Variants in SLC45A4 observed in about 807,000 individuals in gnomAD.
SLC45A4 encodes the protein polyamine-transporter SLC45A4.
SLC45A4 carries 32 observed loss-of-function variants against 63.7 expected under a neutral mutation model. The ratio of observed to expected loss-of-function variants is 0.50; its 90% confidence interval spans 0.38 to 0.67. SLC45A4 has a LOEUF of 0.67. SLC45A4 is among the 30% of genes least tolerant of loss of function. The pLI, the probability that SLC45A4 is intolerant of heterozygous loss-of-function variation, is 0.00. For missense variants in SLC45A4, 1,027 were observed against 1,157.7 expected (o/e 0.89, Z 1.64); for synonymous variants, 535 against 510.0 (o/e 1.05, Z -0.66).
intron 1 of SLC45A4, among the ~76,000 whole-genome samples, chr8:141,290,216 T>G (rs7827290): frequency 0.27 from 41,727 of 151,920 alleles, 6,143 homozygotes; most frequent in South Asian, 0.33. Flanking sequence ...TTTTTTTAAG[T>G]GCGTGGTGCA....
At chr8:141,216,935 G>A (rs929044133) in intron 6 of SLC45A4, among the ~76,000 whole-genome samples, 155 bp downstream of exon 6, 16 of 152,222 alleles carry the variant, frequency 1.1e-4, no homozygotes, top group African/African-American at 3.9e-4. Flanking sequence ...TGGGAATTTC[G>A]ATGCTTCTCC....
intron 2 of SLC45A4, among the ~76,000 whole-genome samples, chr8:141,251,816 G>A (rs1235281148): frequency 6.6e-6 from 1 of 151,468 alleles, no homozygotes; most frequent in Non-Finnish European, 1.5e-5. Context: ...CAAGATCGAG[G>A]GATGGACACA....
At chr8:141,231,922 T>C (rs57487227) in intron 2 of SLC45A4, among the ~76,000 whole-genome samples, 1,981 of 152,296 alleles carry the variant, frequency 0.013, 36 homozygotes, top group African/African-American at 0.043. Flanking sequence ...TTACCAAGGT[T>C]CTCCTCCCTC....
At chr8:141,304,577 G>A (rs1830844335) in intron 1 of SLC45A4, among the ~76,000 whole-genome samples, 1 of 151,102 alleles carries the variant, frequency 6.6e-6, no homozygotes, top group South Asian at 2.1e-4. Flanking sequence ...AAAAAAAGGG[G>A]GGGAGAGAGA....
intron 1 of SLC45A4, among the ~76,000 whole-genome samples, chr8:141,286,239 C>A (rs1830140419): frequency 6.6e-6 from 1 of 152,186 alleles, no homozygotes; most frequent in Non-Finnish European, 1.5e-5. Flanking sequence ...GGGCTTGTGA[C>A]ACCCCTTCCT....
At chr8:141,286,767 A>G (rs1158177220) in intron 1 of SLC45A4, among the ~76,000 whole-genome samples, 2 of 83,044 alleles carry the variant, frequency 2.4e-5, no homozygotes, top group Admixed American at 2.7e-4. Flanking sequence ...CCGACCCCAT[A>G]CCACGGCCTC....
intron 2 of SLC45A4, among the ~76,000 whole-genome samples, chr8:141,240,460 C>A (rs952825161): frequency 6.6e-6 from 1 of 152,208 alleles, no homozygotes; most frequent in Non-Finnish European, 1.5e-5. Context: ...CACATCCCAG[C>A]GGGAAGGGGT....
At chr8:141,305,672 A>T (rs1830874414) in intron 1 of SLC45A4, among the ~76,000 whole-genome samples, 1 of 152,188 alleles carries the variant, frequency 6.6e-6, no homozygotes, top group African/African-American at 2.4e-5. Flanking sequence ...TGTTGGTCAC[A>T]AACCACCCCA....
intron 1 of SLC45A4, among the ~76,000 whole-genome samples, chr8:141,281,537 C>T (rs558149181): frequency 4.6e-5 from 7 of 152,328 alleles, no homozygotes; most frequent in South Asian, 2.1e-4. Flanking sequence ...CGCGGCAGCA[C>T]GTGGCCCCTC....
intron 2 of SLC45A4, chr8:141,228,151 C>T (rs2154614230): frequency 1.2e-6 from 2 of 1,613,734 alleles, no homozygotes; most frequent in South Asian, 2.2e-5. Flanking sequence ...TGGGTGGAGG[C>T]AGCAGTTTTG....
At chr8:141,253,841 G>T (rs1828639241) in intron 2 of SLC45A4, 148 bp downstream of exon 2, 1 of 1,306,522 alleles carries the variant, frequency 7.7e-7, no homozygotes, top group Non-Finnish European at 1.0e-6. Flanking sequence ...ACCACCATCA[G>T]GGCAGGCTGA....
rs751635771 is a variant in SLC45A4, at chr8:141,218,390, T to TGCC, written c.1247_1249dup (p.Arg416dup). 9.1e-5 allele frequency: 147 copies of TGCC among 1,608,568 alleles called. 1 individual carries two copies. The highest frequency in any genetic ancestry group is 5.1e-4 in the East Asian group (23 of 44,846). On this transcript the variant is annotated inframe_insertion, in exon 5 of 9. Transcript: ENST00000517878. ...GCTGGAGGCCTGCCTGCGGAACGCG[T>TGCC]GCCGCCGCCGCCGCATGGAGCTCGA...
intron 1 of SLC45A4, among the ~76,000 whole-genome samples, chr8:141,261,042 T>A (rs955924514): frequency 9.2e-5 from 14 of 152,246 alleles, no homozygotes; most frequent in Non-Finnish European, 1.6e-4. Context: ...CAAGTGGGCT[T>A]CATCCCTGAG....
At position 141,299,522 on chromosome 8, in the gene SLC45A4, AG is replaced by A. The variant is rs200734523; in HGVS notation, c.-401+8573del. Among the ~76,000 whole-genome samples the A allele has an allele frequency of 7.2e-3, 1,092 of 152,358 alleles. 21 individuals carry two copies. The highest frequency in any genetic ancestry group is 0.025 in the African/African-American group (1,042 of 41,586). The stretch of plus-strand genomic sequence containing the variant: ...AGCTGCCCTTCAAATGGGCACGGTT[AG>A]GGACAGCAGAGCGGCCGTGGCCGCA... On this transcript the variant is annotated intron_variant, in intron 1 of 8. Coordinates refer to ENST00000517878, the MANE Select transcript of SLC45A4 (RefSeq NM_001286646.2).
chr8:141,301,706 G>A (rs181815078), intron 1 of SLC45A4, among the ~76,000 whole-genome samples: 63 of 115,482 alleles, frequency 5.5e-4, no homozygotes, highest in Non-Finnish European at 1.2e-4. Flanking sequence ...CTGGACTCCA[G>A]CCTGGGGGAC....
At chr8:141,285,164 AGCTCCT>A (rs1387185634) in intron 1 of SLC45A4, among the ~76,000 whole-genome samples, 1 of 152,174 alleles carries the variant, frequency 6.6e-6, no homozygotes, top group Admixed American at 6.5e-5. Flanking sequence ...GTGAAACGCC[AGCTCCT>A]GCCTTCAGCA....
chr8:141,239,501 A>G (rs1827796061), intron 2 of SLC45A4, among the ~76,000 whole-genome samples: 1 of 152,084 alleles, frequency 6.6e-6, no homozygotes, highest in African/African-American at 2.4e-5. Context: ...CATCCTGCAG[A>G]AGGAAAGTAA....
At chr8:141,276,775 C>G (rs1467811728) in intron 1 of SLC45A4, among the ~76,000 whole-genome samples, 1 of 152,220 alleles carries the variant, frequency 6.6e-6, no homozygotes, top group African/African-American at 2.4e-5. Context: ...CTGCTACAGG[C>G]CCACACGGGC....
At chr8:141,247,163 G>A (rs1212494430) in intron 2 of SLC45A4, among the ~76,000 whole-genome samples, 3 of 142,000 alleles carry the variant, frequency 2.1e-5, no homozygotes, top group Non-Finnish European at 4.8e-5. Flanking sequence ...CAGGAAAGAA[G>A]GAACATCAAT....
Sources: allele counts gnomAD v4.1 joint callset (sites outside exome capture counted in the v4.1 genomes callset), GRCh38; gene constraint gnomAD v4.1.1; transcripts MANE v1.5; gene names NCBI Gene and HGNC (gene_info 2026-07-23, HGNC 2026-07-21).